FRYL: variants seen among roughly 807,000 people sequenced by gnomAD.
FRYL encodes the protein FRY like transcription coactivator.
A neutral mutation model predicts 351.2 loss-of-function variants in FRYL; 150 were observed. That is an observed-to-expected ratio of 0.43 (90% confidence interval 0.37 to 0.49). The LOEUF is 0.49. FRYL is among the 20% of genes least tolerant of loss of function. The probability of loss-of-function intolerance (pLI) is 0.00; values close to 1 mark genes in which losing one functional copy is unlikely to be tolerated. For missense variants in FRYL, 3,036 were observed against 3,619.3 expected (o/e 0.84, Z 4.13); for synonymous variants, 1,153 against 1,257.1 (o/e 0.92, Z 1.75).
chr4:48,513,102 T>C (rs897790371), intron 56 of FRYL, among the ~76,000 whole-genome samples: 2 of 152,202 alleles, frequency 1.3e-5, no homozygotes, highest in Non-Finnish European at 2.9e-5. Context: ...TTAAGGGCTA[T>C]GTTAGGGGCC....
chr4:48,547,009 G>GA (rs796763379), intron 41 of FRYL, among the ~76,000 whole-genome samples: 24 of 151,470 alleles, frequency 1.6e-4, no homozygotes, highest in African/African-American at 5.3e-4. Flanking sequence ...TTGCAATTTT[G>GA]AAAAAAAAGT....
chr4:48,674,776 A>G (rs1462724984), intron 3 of FRYL, among the ~76,000 whole-genome samples: 3 of 150,860 alleles, frequency 2.0e-5, no homozygotes, highest in African/African-American at 4.9e-5. Context: ...TTATACAGCT[A>G]TATATAGTAG....
rs1295329668 is a variant in FRYL, at chr4:48,499,636, G to C, written c.8828C>G (p.Pro2943Arg). ...ATATATATGTAACAGTGTCTGTACA[G>C]GGTCATCTTCACAACTGCCAAAGAT... ...SDIFGSCEDDPVQTLLHIYFH... is the reference protein window; with the variant it reads ...SDIFGSCEDDRVQTLLHIYFH... The change falls in exon 64 of 64, where the codon CCT becomes CGT. Residue 2943 changes from proline to arginine, a missense_variant. Physicochemically the swap from Pro to Arg is moderately radical, Grantham distance 103. Around this residue, in one of 7 missense-constraint regions of FRYL, gnomAD observed 1,987 missense variants for 2,311.7 expected, o/e 0.86. Coordinates refer to ENST00000358350, the MANE Select transcript of FRYL (RefSeq NM_015030.2). The C allele has an allele frequency of 6.2e-7, 1 of 1,613,638 alleles. No homozygotes were observed. The highest frequency in any genetic ancestry group is 1.3e-5 in the African/African-American group (1 of 74,912).
Position 48,523,121 on chromosome 4 carries a change from C to T in FRYL, c.7318-17G>A, listed in dbSNP as rs756475741. 2.1e-5 allele frequency: 33 copies of T among 1,587,768 alleles called. No homozygotes were observed. In the African/African-American group the frequency reaches 2.8e-4, roughly 14 times the overall value. On this transcript the variant is annotated splice_polypyrimidine_tract_variant and intron_variant, in intron 53 of 63. Transcript: ENST00000358350. ...ACTTTCACCCTGGAAAAGCAAGACA[C>T]GATTTCTAAAACCTCAAATACATGC...
chr4:48,769,107 C>G (rs570892572), intron 1 of FRYL, among the ~76,000 whole-genome samples: 2 of 152,146 alleles, frequency 1.3e-5, no homozygotes, highest in Non-Finnish European at 2.9e-5. Context: ...GCACTCCAGC[C>G]TGAGTAACAG....
At chr4:48,517,241 G>A (rs1053835640) in intron 55 of FRYL, among the ~76,000 whole-genome samples, 4 of 152,148 alleles carry the variant, frequency 2.6e-5, no homozygotes, top group African/African-American at 4.8e-5. Flanking sequence ...TTATTGGCAT[G>A]AATTTTTCCT....
intron 62 of FRYL, 108 bp downstream of exon 62, chr4:48,501,515 G>A (rs374467073): frequency 4.3e-6 from 3 of 689,710 alleles, no homozygotes; most frequent in African/African-American, 3.7e-5. Context: ...AAAGAAAAAA[G>A]ACTCACTCTA....
rs899672092 is a variant in FRYL, at chr4:48,522,800, G to A, written c.7521+101C>T. The A allele has an allele frequency of 4.6e-6, 4 of 864,168 alleles. 1 individual carries two copies. In the African/African-American group the frequency reaches 6.6e-5, roughly 14 times the overall value. 53.5% of individuals were successfully genotyped at this position (864,168 alleles called of 1,614,324 possible). ...GTTGCAATCTTGTAGATTCATTTCA[G>A]TGTGTGCATTTCACCCATGCACAAG... is the stretch of plus-strand genomic sequence containing the variant. On this transcript the variant is annotated intron_variant, in intron 54 of 63. Coordinates refer to ENST00000358350, the MANE Select transcript of FRYL (RefSeq NM_015030.2).
At chr4:48,635,837 G>C (rs115843522) in intron 3 of FRYL, among the ~76,000 whole-genome samples, 163 of 152,210 alleles carry the variant, frequency 1.1e-3, no homozygotes, top group African/African-American at 3.4e-3. Flanking sequence ...CCTTGAAAGA[G>C]GAAGCAGAAC....
chr4:48,619,685 A>G (rs1207162380), intron 6 of FRYL, among the ~76,000 whole-genome samples: 1 of 151,906 alleles, frequency 6.6e-6, no homozygotes, highest in Non-Finnish European at 1.5e-5. Flanking sequence ...TATTTTTTCT[A>G]GAGAAGGGAT....
chr4:48,573,237 T>C lies in FRYL; in HGVS notation c.2853A>G (p.Leu951=). Residue 951 remains leucine (L), a synonymous_variant, in exon 26 of 64, where the codon CTA becomes CTG. Coordinates refer to ENST00000358350, the MANE Select transcript of FRYL (RefSeq NM_015030.2). Reference sequence around the variant, plus strand: ...TAATTATGGGATGTAATTCCTCTATTAGTTCCCTGGAAGAAAAATGGTACA... The same window carrying C: ...TAATTATGGGATGTAATTCCTCTATCAGTTCCCTGGAAGAAAAATGGTACA... ...GRTNPGAFRE[L]IEELHPIIKE... The C allele has an allele frequency of 6.2e-7, 1 of 1,607,850 alleles. No individual in the cohort carries two copies. Among genetic ancestry groups the C allele is most frequent in the Middle Eastern group, 1.7e-4 (1 of 6,054 alleles).
intron 56 of FRYL, 124 bp downstream of exon 56, chr4:48,514,904 A>G (rs1723242561): frequency 1.2e-6 from 1 of 812,240 alleles, no homozygotes; most frequent in Non-Finnish European, 1.9e-6. Context: ...CACACAAAGT[A>G]TGATTACAGA....
intron 57 of FRYL, 111 bp downstream of exon 57, chr4:48,512,369 AT>A: frequency 1.2e-6 from 1 of 830,286 alleles, no homozygotes; most frequent in Non-Finnish European, 1.9e-6. Flanking sequence ...GAAAAAAAAA[AT>A]TTGTTAAAAC....
intron 37 of FRYL, among the ~76,000 whole-genome samples, chr4:48,551,009 T>C (rs1288427875): frequency 1.3e-5 from 2 of 151,082 alleles, no homozygotes; most frequent in Non-Finnish European, 3.0e-5. Flanking sequence ...GAGGCAGAGG[T>C]TGAGCTGAGA....
rs1261761859 is a variant in FRYL at position 48,498,844 on chromosome 4, A to T, written c.*578T>A. ...CCAACTCACACACACATAATTCCTT[A>T]TACAGACCAAAAAACAAAAAAACCC... is the stretch of plus-strand genomic sequence containing the variant. On this transcript the variant is annotated 3_prime_UTR_variant, in exon 64 of 64. Coordinates refer to ENST00000358350, the MANE Select transcript of FRYL (RefSeq NM_015030.2). The T allele has an allele frequency of 1.3e-5, 2 of 156,262 alleles. No individual in the cohort carries two copies. The highest frequency in any genetic ancestry group is 2.8e-5 in the Non-Finnish European group (2 of 70,460). 9.7% of individuals were successfully genotyped at this position (156,262 alleles called of 1,614,324 possible).
chr4:48,508,239 G>GTTGT (rs1417083466), intron 59 of FRYL, among the ~76,000 whole-genome samples: 5 of 152,164 alleles, frequency 3.3e-5, no homozygotes, highest in African/African-American at 9.7e-5. Flanking sequence ...AGCATTATTA[G>GTTGT]TTGTTTGAAT....
rs763856214 is a variant in FRYL at position 48,548,759 on chromosome 4, T to C, written c.4819A>G (p.Ile1607Val). 1.2e-5 allele frequency: 19 copies of C among 1,610,974 alleles called. No individual in the cohort carries two copies. Among genetic ancestry groups the C allele is most frequent in the Non-Finnish European group, 1.5e-5 (18 of 1,177,620 alleles). The change falls in exon 40 of 64, where the codon ATC (isoleucine) becomes GTC (valine). Residue 1607 changes from isoleucine (I) to valine (V), a missense_variant. By Grantham distance (29) the Ile-to-Val change is conservative. This residue lies in a region of FRYL where 1,987 missense variants were observed against 2,311.7 expected (regional missense o/e 0.86). Transcript: ENST00000358350. ...NIAVILLTDLIIDHSVKVEWG... is the reference protein window; with the variant it reads ...NIAVILLTDLVIDHSVKVEWG... ...TCCACCTTCACACTATGATCAATGA[T>C]GAGATCAGTCAAAAGGATCACTGCT...
At chr4:48,746,524 G>A (rs1287517620) in intron 1 of FRYL, among the ~76,000 whole-genome samples, 6 of 150,246 alleles carry the variant, frequency 4.0e-5, no homozygotes, top group Non-Finnish European at 7.4e-5. Flanking sequence ...CAGCCCGGGC[G>A]ACAGAGCAAG....
At chr4:48,541,170 T>C (rs1012271968) in intron 45 of FRYL, among the ~76,000 whole-genome samples, 2 of 152,214 alleles carry the variant, frequency 1.3e-5, no homozygotes, top group African/African-American at 4.8e-5. Flanking sequence ...ACAGTTTCCT[T>C]TGAGTTGAAA....
Sources: gnomAD v4.1 joint callset for allele counts (sites outside exome capture counted in the v4.1 genomes callset) on GRCh38, gnomAD v4.1.1 for gene constraint, gnomAD v4.1.1 regional missense constraint, MANE v1.5 for transcripts, NCBI Gene and HGNC (gene_info 2026-07-23, HGNC 2026-07-21) for gene names.